Variants in ITGB5 observed in about 807,000 individuals in gnomAD.
ITGB5 encodes integrin subunit beta 5, also known as integrin beta-5.
In ITGB5, 38 loss-of-function variants were observed where a neutral mutation model predicts 84.8. The observed-to-expected ratio is 0.45, with a 90% CI of 0.35 to 0.59. ITGB5 has a LOEUF of 0.59. Among genes scored for constraint, ITGB5 ranks in the 20% least tolerant of loss-of-function variants. ITGB5 has a pLI of 0.01. For synonymous variants in ITGB5, 393 were observed against 414.4 expected (o/e 0.95, Z 0.63); for missense variants, 905 against 1,034.5 (o/e 0.87, Z 1.72).
At chr3:124,872,191 C>A (rs1934088900) in intron 2 of ITGB5, among the ~76,000 whole-genome samples, 1 of 152,162 alleles carries the variant, frequency 6.6e-6, no homozygotes, top group African/African-American at 2.4e-5. Context: ...ATTGAGAACT[C>A]CCAAAGTTTT....
intron 1 of ITGB5, among the ~76,000 whole-genome samples, chr3:124,894,031 A>G (rs1187496464): frequency 6.6e-6 from 1 of 151,944 alleles, no homozygotes; most frequent in Non-Finnish European, 1.5e-5. Context: ...TTTTGAAAAT[A>G]CTTTTTAATT....
At chr3:124,865,456 T>C (rs1004942773) in intron 2 of ITGB5, among the ~76,000 whole-genome samples, 4 of 150,706 alleles carry the variant, frequency 2.7e-5, no homozygotes, top group East Asian at 2.0e-4. Flanking sequence ...CAATAGAAAG[T>C]TGAAGTGTCC....
intron 1 of ITGB5, among the ~76,000 whole-genome samples, chr3:124,884,142 G>T (rs1242708797): frequency 6.6e-6 from 1 of 151,488 alleles, no homozygotes; most frequent in African/African-American, 2.4e-5. Context: ...TGTTCCTAGT[G>T]GCAAGACAGA....
chr3:124,817,673 A>T lies in ITGB5; in HGVS notation c.1076T>A (p.Ile359Asn), dbSNP rs1290501511. The change falls in exon 8 of 15, where the codon ATT (isoleucine) becomes AAT (asparagine). Residue 359 changes from isoleucine to asparagine, a missense_variant. By Grantham distance (149) the Ile-to-Asn change is moderately radical. Coordinates refer to ENST00000296181, the MANE Select transcript of ITGB5 (RefSeq NM_002213.5). ...AATATTTTTGGAGTCTCCATCTAAAATCTCCACCGTTGTTCCAGGTATCAG... is the reference window on the plus strand; with the variant it reads ...AATATTTTTGGAGTCTCCATCTAAATTCTCCACCGTTGTTCCAGGTATCAG... ...TALIPGTTVEILDGDSKNIIQ... is the reference protein window; with the variant it reads ...TALIPGTTVENLDGDSKNIIQ... 1 of 1,593,540 alleles carries T rather than the reference A, an allele frequency of 6.3e-7. No homozygotes were observed. The highest frequency in any genetic ancestry group is 1.4e-5 in the African/African-American group (1 of 73,640).
chr3:124,776,479 T>C (rs2063928614), intron 10 of ITGB5, among the ~76,000 whole-genome samples: 1 of 152,210 alleles, frequency 6.6e-6, no homozygotes, highest in Admixed American at 6.5e-5. Context: ...GTTGAAAGGA[T>C]TGTGCAGTGC....
intron 1 of ITGB5, among the ~76,000 whole-genome samples, chr3:124,878,323 T>C (rs1027496268): frequency 1.1e-4 from 16 of 152,158 alleles, no homozygotes; most frequent in African/African-American, 3.6e-4. Flanking sequence ...CCTTACTTAA[T>C]TGGACACAAT....
At chr3:124,805,237 C>T (rs1329441040) in intron 9 of ITGB5, among the ~76,000 whole-genome samples, 1 of 151,762 alleles carries the variant, frequency 6.6e-6, no homozygotes, top group Non-Finnish European at 1.5e-5. Context: ...CAACTTCTCA[C>T]ACTCCAGCGA....
chr3:124,821,051 A>C (rs2064694195), intron 6 of ITGB5, among the ~76,000 whole-genome samples: 1 of 152,196 alleles, frequency 6.6e-6, no homozygotes, highest in South Asian at 2.1e-4. Context: ...CCGTATCCCA[A>C]CCAAACACTT....
At chr3:124,828,377 G>C (rs1368987661) in intron 5 of ITGB5, among the ~76,000 whole-genome samples, 1 of 152,162 alleles carries the variant, frequency 6.6e-6, no homozygotes, top group Non-Finnish European at 1.5e-5. Context: ...CTAACGGCGT[G>C]AATGAATCTC....
At chr3:124,871,057 T>C (rs1934009777) in intron 2 of ITGB5, among the ~76,000 whole-genome samples, 2 of 151,952 alleles carry the variant, frequency 1.3e-5, no homozygotes, top group African/African-American at 4.8e-5. Flanking sequence ...ACCCAGCTAA[T>C]TTTTTGTATT....
At chr3:124,896,789 C>T (rs1268303132) in intron 1 of ITGB5, among the ~76,000 whole-genome samples, 3 of 143,992 alleles carry the variant, frequency 2.1e-5, no homozygotes, top group East Asian at 2.1e-4. Context: ...TGGGCATGCA[C>T]GTGGCTCATG....
chr3:124,803,611 TAGCTGGGTG>T (rs1331094863), intron 9 of ITGB5, among the ~76,000 whole-genome samples: 2 of 152,208 alleles, frequency 1.3e-5, no homozygotes, highest in Non-Finnish European at 2.9e-5. Flanking sequence ...CACTGTCTCT[TAGCTGGGTG>T]AGCTGGGGCA....
chr3:124,806,037 AACAGACAAGAG>A (rs1438880789), intron 9 of ITGB5, among the ~76,000 whole-genome samples: 3 of 152,222 alleles, frequency 2.0e-5, no homozygotes, highest in Non-Finnish European at 4.4e-5. Flanking sequence ...TGATAAACAC[AACAGACAAGAG>A]ACATTGGAAC....
intron 5 of ITGB5, among the ~76,000 whole-genome samples, chr3:124,836,243 C>CAGTG (rs1483407372): frequency 6.6e-6 from 1 of 151,642 alleles, no homozygotes; most frequent in African/African-American, 2.4e-5. Context: ...AGGCTGTGTG[C>CAGTG]AGTGGCTCAC....
intron 9 of ITGB5, among the ~76,000 whole-genome samples, chr3:124,807,245 G>A (rs7633721): frequency 0.023 from 3,573 of 152,184 alleles, 137 homozygotes; most frequent in African/African-American, 0.076. Context: ...GTGAAACTCC[G>A]TCTCTACTAA....
At chr3:124,804,932 G>A (rs112333016) in intron 9 of ITGB5, among the ~76,000 whole-genome samples, 2,618 of 152,160 alleles carry the variant, frequency 0.017, 78 homozygotes, top group African/African-American at 0.06. Flanking sequence ...CTCCCAAAGT[G>A]CTGGAATTAC....
intron 2 of ITGB5, among the ~76,000 whole-genome samples, chr3:124,872,239 A>C (rs540597006): frequency 2.0e-5 from 3 of 152,352 alleles, no homozygotes; most frequent in African/African-American, 7.2e-5. Flanking sequence ...AGCAAGCAAG[A>C]GGCCATATAG....
At chr3:124,812,867 T>TA (rs2064526987) in intron 8 of ITGB5, among the ~76,000 whole-genome samples, 3 of 152,180 alleles carry the variant, frequency 2.0e-5, no homozygotes, top group Admixed American at 2.0e-4. Flanking sequence ...ATCTGTTACA[T>TA]ATGTTCCAAC....
chr3:124,814,808 T>TCACAA (rs1003472577), intron 8 of ITGB5, among the ~76,000 whole-genome samples: 1 of 152,168 alleles, frequency 6.6e-6, no homozygotes, highest in Non-Finnish European at 1.5e-5. Context: ...CAGCTTCATT[T>TCACAA]CACAACATGT....
Sources: allele counts gnomAD v4.1 joint callset (sites outside exome capture counted in the v4.1 genomes callset), GRCh38; gene constraint gnomAD v4.1.1; transcripts MANE v1.5; gene names NCBI Gene and HGNC (gene_info 2026-07-23, HGNC 2026-07-21).